The following HDX variants were observed in gnomAD, a reference collection of about 807,000 sequenced individuals.
HDX encodes the protein chromosome X open reading frame 43.
In HDX, 19 loss-of-function variants were observed where a neutral mutation model predicts 45.2. That is an observed-to-expected ratio of 0.42 (90% CI 0.29 to 0.62). The LOEUF (loss-of-function observed/expected upper bound fraction) is 0.62. Ranked by LOEUF, HDX falls within the 20% of genes least tolerant of loss-of-function variation. HDX has a pLI of 0.20. For missense variants in HDX, 532 were observed against 493.9 expected, an observed-to-expected ratio of 1.08 and a Z score of -0.73; for synonymous variants, 188 against 172.8, an observed-to-expected ratio of 1.09 and a Z score of -0.69.
intron 5 of HDX, among the ~76,000 whole-genome samples, chrX:84,417,236 G>GAA (rs2148002069): frequency 9.0e-6 from 1 of 110,547 alleles, no homozygotes; most frequent in African/African-American, 3.3e-5. Context: ...AAGAAAGAAA[G>GAA]AAAGAAAGAA....
Position 84,440,552 on chromosome X carries a change from C to G in HDX, c.1285G>C (p.Gly429Arg). ...CTTACTGCTCTTTTTCTAGAACACC[C>G]TGTAATCCAAGGCACAGTAAGGTTT... ...SGNLTVPWIT[G>R]CSRKRALQDR... The change falls in exon 5 of 11, where the codon GGG becomes CGG. Residue 429 changes from glycine to arginine, a missense_variant. Around this residue, in one of 3 missense-constraint regions of HDX, gnomAD observed 376 missense variants for 343.7 expected, o/e 1.09. Transcript: ENST00000373177. 1 of 1,186,708 alleles carries G rather than the reference C, an allele frequency of 8.4e-7. No homozygotes were observed. The highest frequency in any genetic ancestry group is 2.4e-4 in the Middle Eastern group (1 of 4,187).
At chrX:84,473,857 T>C (rs1253704206) in intron 3 of HDX, among the ~76,000 whole-genome samples, 1 of 112,077 alleles carries the variant, frequency 8.9e-6, no homozygotes, top group African/African-American at 3.2e-5. Flanking sequence ...CATTTTATAT[T>C]ACATTTTCTA....
At chrX:84,466,105 A>C (rs2040348038) in intron 4 of HDX, among the ~76,000 whole-genome samples, 1 of 112,412 alleles carries the variant, frequency 8.9e-6, no homozygotes, top group African/African-American at 3.2e-5. Flanking sequence ...ACTTACTTCC[A>C]GTCTTCTTTA....
chrX:84,391,799 C>A (rs1338327456), intron 5 of HDX, among the ~76,000 whole-genome samples: 1 of 111,250 alleles, frequency 9.0e-6, no homozygotes, highest in African/African-American at 3.3e-5. Flanking sequence ...TGTTTTTTAG[C>A]TATTGAGTTA....
At chrX:84,385,666 G>T (rs1189782570) in intron 5 of HDX, among the ~76,000 whole-genome samples, 1 of 110,106 alleles carries the variant, frequency 9.1e-6, no homozygotes, top group Non-Finnish European at 1.9e-5. Flanking sequence ...GCATGTTATT[G>T]GTGTATAGAA....
At chrX:84,413,184 T>G (rs1314881884) in intron 5 of HDX, among the ~76,000 whole-genome samples, 1 of 112,107 alleles carries the variant, frequency 8.9e-6, no homozygotes, top group Non-Finnish European at 1.9e-5. Flanking sequence ...GAACCATTGC[T>G]GGAGAACTAT....
chrX:84,361,706 C>A, intron 5 of HDX, 94 bp from the exon 6 acceptor site: 1 of 590,170 alleles, frequency 1.7e-6, no homozygotes, highest in South Asian at 6.1e-5. Flanking sequence ...GTGAGATGTG[C>A]TACGATACTA....
At chrX:84,389,524 TCCCA>T (rs2038394209) in intron 5 of HDX, among the ~76,000 whole-genome samples, 1 of 111,375 alleles carries the variant, frequency 9.0e-6, no homozygotes, top group African/African-American at 3.3e-5. Flanking sequence ...CACTAGGATG[TCCCA>T]AGGCTTGGAG....
At chrX:84,362,824 T>C (rs2037654494) in intron 5 of HDX, among the ~76,000 whole-genome samples, 4 of 111,601 alleles carry the variant, frequency 3.6e-5, no homozygotes, top group Admixed American at 2.9e-4. Flanking sequence ...ACACAACATA[T>C]AAAACATGAC....
chrX:84,415,153 A>C (rs1371005434), intron 5 of HDX, among the ~76,000 whole-genome samples: 1 of 112,039 alleles, frequency 8.9e-6, no homozygotes, highest in Non-Finnish European at 1.9e-5. Flanking sequence ...TTTCTTGTGT[A>C]TTGATAATTA....
At chrX:84,444,868 A>G (rs774092829) in intron 4 of HDX, among the ~76,000 whole-genome samples, 1 of 111,638 alleles carries the variant, frequency 9.0e-6, no homozygotes, top group Non-Finnish European at 1.9e-5. Context: ...ACATGGTTGT[A>G]CATTCATAAG....
chrX:84,430,079 C>T (rs1409860301), intron 5 of HDX, among the ~76,000 whole-genome samples: 1 of 110,075 alleles, frequency 9.1e-6, no homozygotes, highest in Admixed American at 9.7e-5. Flanking sequence ...AATTTTTAAC[C>T]ATAGTCATCC....
At chrX:84,327,584 CA>C (rs1156941251) in intron 9 of HDX, among the ~76,000 whole-genome samples, 12 of 110,610 alleles carry the variant, frequency 1.1e-4, no homozygotes, top group African/African-American at 3.6e-4. Flanking sequence ...AATGTAAATC[CA>C]CATGCAAAAA....
At chrX:84,470,543 T>A (rs1005192645) in intron 3 of HDX, among the ~76,000 whole-genome samples, 4 of 111,647 alleles carry the variant, frequency 3.6e-5, no homozygotes, top group African/African-American at 1.3e-4. Flanking sequence ...TTGTTTTCAG[T>A]TTGTCACTAA....
chrX:84,448,710 T>C (rs1223499775), intron 4 of HDX, among the ~76,000 whole-genome samples: 1 of 110,923 alleles, frequency 9.0e-6, no homozygotes, highest in African/African-American at 3.3e-5. Flanking sequence ...GATGCTCAGA[T>C]GTCAATGAAA....
At chrX:84,407,264 A>G (rs1390158004) in intron 5 of HDX, among the ~76,000 whole-genome samples, 6 of 111,188 alleles carry the variant, frequency 5.4e-5, no homozygotes, top group African/African-American at 1.6e-4. Context: ...TCATGTGTCC[A>G]TGTGTATTCA....
chrX:84,469,606 A>T, intron 3 of HDX, 31 bp from the exon 4 acceptor site: 13 of 1,111,435 alleles, frequency 1.2e-5, no homozygotes, highest in Non-Finnish European at 1.5e-5. Context: ...ATTATGAAAA[A>T]AAAATTAAAA....
intron 5 of HDX, among the ~76,000 whole-genome samples, chrX:84,400,547 T>C (rs1010609372): frequency 2.7e-5 from 3 of 109,800 alleles, no homozygotes; most frequent in Admixed American, 9.7e-5. Context: ...CTCAAAGAAA[T>C]AAGAGAGGAC....
At position 84,483,564 on chromosome X, in the gene HDX, C is replaced by T. The variant is rs146910454; in HGVS notation, c.-1+4460G>A. Among the ~76,000 whole-genome samples the T allele has an allele frequency of 6.8e-3, 757 of 111,943 alleles. 6 individuals carry two copies. Among genetic ancestry groups the T allele is most frequent in the African/African-American group, 0.024 (734 of 30,799 alleles). On this transcript the variant is annotated intron_variant, in intron 2 of 10. Transcript: ENST00000373177. Reference sequence around the variant, plus strand: ...AAAGTAGCAAGGCCCTGGGCCTGGCCCATGAAACCATTTTTTCTTTGTAGG... The same window carrying T: ...AAAGTAGCAAGGCCCTGGGCCTGGCTCATGAAACCATTTTTTCTTTGTAGG...
Sources: allele counts gnomAD v4.1 joint callset (sites outside exome capture counted in the v4.1 genomes callset), GRCh38; gene constraint gnomAD v4.1.1; regional missense constraint gnomAD v4.1.1; transcripts MANE v1.5; gene names NCBI Gene and HGNC (gene_info 2026-07-23, HGNC 2026-07-21).